The following C3orf52 variants were observed in gnomAD, a reference collection of about 807,000 sequenced individuals.
The protein encoded by C3orf52 is chromosome 3 open reading frame 52.
A neutral mutation model predicts 24.8 loss-of-function variants in C3orf52; 22 were observed. The observed-to-expected ratio is 0.89, with a 90% CI of 0.63 to 1.27. C3orf52 has a LOEUF of 1.27. Among genes scored for constraint, C3orf52 ranks in the 50% most tolerant of loss-of-function variants. The pLI is 0.00. For synonymous variants in C3orf52, 93 were observed against 100.2 expected (o/e 0.93, Z 0.43); for missense variants, 265 against 260.7 (o/e 1.02, Z -0.11).
At chr3:112,107,296 G>A (rs1269523837) in intron 3 of C3orf52, among the ~76,000 whole-genome samples, 1 of 152,194 alleles carries the variant, frequency 6.6e-6, no homozygotes, top group Middle Eastern at 3.2e-3. Flanking sequence ...CCAAAAGGAA[G>A]AGAAAGACAT....
chr3:112,093,572 C>T (rs1454827502), intron 2 of C3orf52, 83 bp downstream of exon 2: 6 of 1,269,112 alleles, frequency 4.7e-6, no homozygotes, highest in Non-Finnish European at 6.6e-6. Flanking sequence ...GGAAGATGTA[C>T]TCATAGCCAT....
intron 3 of C3orf52, among the ~76,000 whole-genome samples, chr3:112,103,772 A>C (rs1056289149): frequency 6.6e-6 from 1 of 152,200 alleles, no homozygotes; most frequent in Non-Finnish European, 1.5e-5. Flanking sequence ...TTCTAAATAA[A>C]AAAGCATGGG....
intron 1 of C3orf52, among the ~76,000 whole-genome samples, chr3:112,088,314 G>A (rs1039339093): frequency 3.9e-5 from 6 of 152,156 alleles, no homozygotes; most frequent in Admixed American, 2.0e-4. Flanking sequence ...AATAAATATA[G>A]GCTCATTAAA....
At chr3:112,127,504 G>A (rs9835431) in intron 4 of C3orf52, among the ~76,000 whole-genome samples, 46,827 of 151,976 alleles carry the variant, frequency 0.31, 7,302 homozygotes, top group East Asian at 0.36. Context: ...TATAATGGAA[G>A]CCCACTATCG....
chr3:112,123,645 C>A, intron 4 of C3orf52: 1 of 1,614,144 alleles, frequency 6.2e-7, no homozygotes, highest in Non-Finnish European at 8.5e-7. Flanking sequence ...CTCTCTGGGT[C>A]TCTCAGCTTT....
At chr3:112,088,766 A>G (rs1012293147) in intron 1 of C3orf52, among the ~76,000 whole-genome samples, 9 of 152,200 alleles carry the variant, frequency 5.9e-5, no homozygotes, top group African/African-American at 2.2e-4. Flanking sequence ...ATTAATTATT[A>G]CTAATTTCTA....
chr3:112,090,958 C>T (rs1007894669), intron 1 of C3orf52, among the ~76,000 whole-genome samples: 30 of 152,182 alleles, frequency 2.0e-4, no homozygotes, highest in African/African-American at 6.8e-4. Flanking sequence ...GTGGCTTCCC[C>T]TGGCTTTGAA....
At chr3:112,103,807 G>A (rs575463181) in intron 3 of C3orf52, among the ~76,000 whole-genome samples, 1 of 152,300 alleles carries the variant, frequency 6.6e-6, no homozygotes, top group African/African-American at 2.4e-5. Flanking sequence ...GCAAAGTAGT[G>A]TACTGTGGCC....
At chr3:112,107,748 T>C (rs904310590) in intron 3 of C3orf52, among the ~76,000 whole-genome samples, 1 of 152,216 alleles carries the variant, frequency 6.6e-6, no homozygotes, top group Non-Finnish European at 1.5e-5. Context: ...TTAATGCCTG[T>C]TTTGCCAGGT....
intron 4 of C3orf52, chr3:112,123,705 GT>G: frequency 6.2e-7 from 1 of 1,614,032 alleles, no homozygotes; most frequent in South Asian, 1.1e-5. Context: ...TGATGGCCTT[GT>G]ACAGAGAACC....
chr3:112,091,064 T>C (rs1323527392), intron 1 of C3orf52, among the ~76,000 whole-genome samples: 1 of 152,170 alleles, frequency 6.6e-6, no homozygotes, highest in Non-Finnish European at 1.5e-5. Context: ...TGTCAAGATA[T>C]CCCTAGGGCC....
rs909052011 is a variant in C3orf52 at position 112,117,152 on chromosome 3, T to C, written c.*506T>C. ...AGCACGGAGAGGCAGGCAGCCAGGT[T>C]ACGAAGACTAAGCCAATTATTCACT... On this transcript the variant is annotated 3_prime_UTR_variant, in exon 6 of 6. Transcript: ENST00000264848. 2 of 567,900 alleles carry C rather than the reference T, an allele frequency of 3.5e-6. No homozygotes were observed. Among genetic ancestry groups the C allele is most frequent in the Non-Finnish European group, 6.2e-6 (2 of 320,736 alleles). 35.2% of individuals were successfully genotyped at this position (567,900 alleles called of 1,614,324 possible). A position where few individuals can be genotyped will look rare whatever the true frequency, so the allele number is the denominator to read the frequency against.
downstream of C3orf52, chr3:112,132,704 T>G: frequency 5.1e-6 from 5 of 984,114 alleles, no homozygotes; most frequent in Non-Finnish European, 6.0e-6. Context: ...TATTTCAAAC[T>G]TAAAATAGTG....
At chr3:112,093,653 T>C (rs909305690) in intron 2 of C3orf52, among the ~76,000 whole-genome samples, 164 bp downstream of exon 2, 15 of 152,236 alleles carry the variant, frequency 9.9e-5, no homozygotes, top group African/African-American at 3.4e-4. Flanking sequence ...TGCCTGATTC[T>C]TGTGTTTTTG....
chr3:112,117,143 C>T lies in C3orf52; in HGVS notation c.*497C>T. ...AGCTGGTAGAGCACGGAGAGGCAGG[C>T]AGCCAGGTTACGAAGACTAAGCCAA... On this transcript the variant is annotated 3_prime_UTR_variant, in exon 6 of 6. Coordinates refer to ENST00000264848, the MANE Select transcript of C3orf52 (RefSeq NM_024616.3). 5.3e-6 allele frequency: 3 copies of T among 564,602 alleles called. No homozygotes were observed. The highest frequency in any genetic ancestry group is 9.4e-6 in the Non-Finnish European group (3 of 319,434). 35.0% of individuals were successfully genotyped at this position (564,602 alleles called of 1,614,324 possible).
chr3:112,127,838 A>C (rs946148610), intron 4 of C3orf52, among the ~76,000 whole-genome samples: 1 of 152,130 alleles, frequency 6.6e-6, no homozygotes, highest in Non-Finnish European at 1.5e-5. Context: ...CCATGAGACT[A>C]TTGTTCCTGT....
chr3:112,134,217 C>G (rs1190410026), downstream of C3orf52: 1 of 152,226 alleles, frequency 6.6e-6, no homozygotes, highest in Non-Finnish European at 1.5e-5. Flanking sequence ...TAAAATCGTC[C>G]ACATCCATCA....
chr3:112,089,952 A>G (rs1040967795), intron 1 of C3orf52, among the ~76,000 whole-genome samples: 3 of 152,336 alleles, frequency 2.0e-5, no homozygotes, highest in Non-Finnish European at 2.9e-5. Flanking sequence ...ATGTAAAACA[A>G]TAATAGAATG....
downstream of C3orf52, chr3:112,130,667 G>T (rs148089799): frequency 1.5e-6 from 1 of 675,622 alleles, no homozygotes; most frequent in African/African-American, 1.8e-5. Flanking sequence ...GTTTCCTCAA[G>T]CACATGTCGC....
Sources: allele counts gnomAD v4.1 joint callset (sites outside exome capture counted in the v4.1 genomes callset), GRCh38; gene constraint gnomAD v4.1.1; transcripts MANE v1.5; gene names NCBI Gene and HGNC (gene_info 2026-07-23, HGNC 2026-07-21).